The following HDAC2 variants were observed in gnomAD, a reference collection of about 807,000 sequenced individuals.
HDAC2 encodes the protein YY1-associated factor 1.
A neutral mutation model predicts 68.5 loss-of-function variants in HDAC2; 5 were observed. The observed-to-expected ratio is 0.07, with a 90% confidence interval of 0.04 to 0.15. The LOEUF (loss-of-function observed/expected upper bound fraction) is 0.15. Among genes scored for constraint, HDAC2 ranks in the 10% least tolerant of loss-of-function variants. HDAC2 has a pLI of 1.00. For missense variants in HDAC2, 291 were observed against 600.8 expected (o/e 0.48, Z 5.39); for synonymous variants, 182 against 191.3 (o/e 0.95, Z 0.40).
chr6:113,965,607 G>C (rs564425782), intron 1 of HDAC2, among the ~76,000 whole-genome samples: 13 of 152,234 alleles, frequency 8.5e-5, no homozygotes, highest in Middle Eastern at 3.4e-3. Flanking sequence ...TCCTGACCTT[G>C]TGATCTGCCC....
At chr6:113,966,125 CA>C (rs1330404683) in intron 1 of HDAC2, among the ~76,000 whole-genome samples, 3 of 152,140 alleles carry the variant, frequency 2.0e-5, no homozygotes, top group African/African-American at 7.2e-5. Context: ...TAGACTGCAC[CA>C]AACAAATGTG....
At chr6:113,957,729 C>T (rs9481409) in intron 3 of HDAC2, among the ~76,000 whole-genome samples, 2,535 of 152,082 alleles carry the variant, frequency 0.017, 73 homozygotes, top group African/African-American at 0.058. Context: ...CTCAGGTAAT[C>T]CACTCACCTC....
At chr6:113,964,766 C>A (rs1776772045) in intron 1 of HDAC2, among the ~76,000 whole-genome samples, 1 of 152,164 alleles carries the variant, frequency 6.6e-6, no homozygotes, top group African/African-American at 2.4e-5. Flanking sequence ...CACTTGAATT[C>A]AATAAGGATC....
At position 113,966,851 on chromosome 6, in the gene HDAC2, T is replaced by G. The variant is rs1776835622; in HGVS notation, c.52+4006A>C. ...CTGGGGAAAGAGAAGTATAGGAAAA[T>G]TTCAGTCTTATTTAGTCATGTTTTA... On this transcript the variant is annotated intron_variant, in intron 1 of 13. Coordinates refer to ENST00000519065, the MANE Select transcript of HDAC2 (RefSeq NM_001527.4). Among the ~76,000 whole-genome samples the G allele has an allele frequency of 2.6e-5, 4 of 152,160 alleles. No individual in the cohort carries two copies. In the South Asian group the frequency reaches 8.3e-4, roughly 32 times the overall value.
In HDAC2 at chr6:113,948,797, A is replaced by G. The variant is rs1582481768; in HGVS notation, c.841+182T>C. The G allele has an allele frequency of 1.2e-5, 7 of 575,092 alleles. No homozygotes were observed. In the East Asian group the frequency reaches 2.0e-4, roughly 17 times the overall value. The allele number at this position is 575,092 out of a possible 1,614,324, so 35.6% of individuals were successfully genotyped here. On this transcript the variant is annotated intron_variant, in intron 8 of 13. Coordinates refer to ENST00000519065, the MANE Select transcript of HDAC2 (RefSeq NM_001527.4). ...CTAGTCTTGTATAAATGTATATATA[A>G]ATCTGCCATAATGAAACAAGAATAA...
chr6:113,958,040 G>T (rs561907359), intron 3 of HDAC2, among the ~76,000 whole-genome samples: 60 of 152,296 alleles, frequency 3.9e-4, no homozygotes, highest in African/African-American at 1.4e-3. Flanking sequence ...AATCATCACT[G>T]AAGTCAGTCA....
intron 12 of HDAC2, among the ~76,000 whole-genome samples, chr6:113,942,400 G>A (rs1211374528): frequency 6.9e-6 from 1 of 145,862 alleles, no homozygotes; most frequent in Non-Finnish European, 1.5e-5. Context: ...AACTAAATGT[G>A]TCAGATGTTA....
chr6:113,953,790 A>G (rs947590074), intron 5 of HDAC2, among the ~76,000 whole-genome samples: 4 of 152,246 alleles, frequency 2.6e-5, no homozygotes. Flanking sequence ...TTGGCTAACT[A>G]TGGCCCATGG....
intron 1 of HDAC2, 52 bp downstream of exon 1, chr6:113,970,805 A>C: frequency 6.8e-7 from 1 of 1,472,034 alleles, no homozygotes; most frequent in Non-Finnish European, 8.9e-7. Flanking sequence ...GCAGCCGCGG[A>C]ACCCAGCGCC....
Position 113,960,008 on chromosome 6 carries a change from T to A in HDAC2, c.63A>T (p.Gly21=), listed in dbSNP as rs1303204724. ...KVCYYYDGDI[G]NYYYGQGHPM... ...GATGACCCTGTCCATAATAATAATT[T>A]CCAATATCACCTAAAATAGAAAAGA... Residue 21 remains glycine, a synonymous_variant, in exon 2 of 14, where the codon GGA becomes GGT. Transcript: ENST00000519065. 16 of 1,491,934 alleles carry A rather than the reference T, an allele frequency of 1.1e-5. No individual in the cohort carries two copies. The highest frequency in any genetic ancestry group is 1.5e-5 in the Non-Finnish European group (16 of 1,069,150). 92.4% of individuals were successfully genotyped at this position (1,491,934 alleles called of 1,614,324 possible).
intron 3 of HDAC2, 186 bp from the exon 4 acceptor site, chr6:113,956,879 T>G (rs1562146408): frequency 7.5e-6 from 4 of 532,054 alleles, no homozygotes; most frequent in Non-Finnish European, 1.3e-5. Context: ...AATTAAAGTG[T>G]TATCTGTGAA....
chr6:113,948,132 T>C (rs1776306050), intron 8 of HDAC2: 2 of 152,214 alleles, frequency 1.3e-5, no homozygotes, highest in Non-Finnish European at 2.9e-5. Context: ...CCTTCAATCA[T>C]ATGCTGATTT....
intron 4 of HDAC2, 140 bp downstream of exon 4, chr6:113,956,479 T>C: frequency 1.6e-6 from 1 of 643,522 alleles, no homozygotes; most frequent in East Asian, 2.7e-5. Context: ...TGAAAGTAAA[T>C]TGTACTTTAC....
intron 12 of HDAC2, among the ~76,000 whole-genome samples, chr6:113,942,978 T>C (rs1250387135): frequency 6.6e-6 from 1 of 152,182 alleles, no homozygotes; most frequent in Admixed American, 6.5e-5. Context: ...TTGTGTTTTC[T>C]CCCATTAAAT....
At position 113,945,989 on chromosome 6, in the gene HDAC2, T is replaced by C. The variant is rs748823158; in HGVS notation, c.982+19A>G. 30 of 1,593,830 alleles carry C rather than the reference T, an allele frequency of 1.9e-5. No homozygotes were observed. Among genetic ancestry groups the C allele is most frequent in the Non-Finnish European group, 2.5e-5 (29 of 1,162,240 alleles). On this transcript the variant is annotated intron_variant, in intron 9 of 13. Transcript: ENST00000519065. ...ATTGACAGTTCATACAATAAAGATATTGTAATGAGAACACTTACCATTGGG... is the reference window on the plus strand; with the variant it reads ...ATTGACAGTTCATACAATAAAGATACTGTAATGAGAACACTTACCATTGGG...
At chr6:113,960,090 G>A in intron 1 of HDAC2, 72 bp from the exon 2 acceptor site, 1 of 787,060 alleles carries the variant, frequency 1.3e-6, no homozygotes, top group Non-Finnish European at 2.2e-6. Flanking sequence ...ATTTATGTAT[G>A]TCTATCATTA....
At chr6:113,942,429 G>C (rs895280479) in intron 12 of HDAC2, among the ~76,000 whole-genome samples, 9 of 67,108 alleles carry the variant, frequency 1.3e-4, no homozygotes, top group African/African-American at 7.6e-4. Context: ...TAACTCTCTA[G>C]TTTAAAAAAA....
intron 8 of HDAC2, chr6:113,947,101 A>G (rs1461394702): frequency 6.6e-6 from 1 of 152,158 alleles, no homozygotes; most frequent in East Asian, 1.9e-4. Flanking sequence ...AATTTTTATT[A>G]TTGCTACTAG....
intron 5 of HDAC2, among the ~76,000 whole-genome samples, chr6:113,953,893 T>G (rs1448732615): frequency 1.3e-5 from 2 of 152,140 alleles, no homozygotes; most frequent in African/African-American, 4.8e-5. Flanking sequence ...AAAACAAGAG[T>G]ATTTTCTGAC....
Sources: allele counts gnomAD v4.1 joint callset (sites outside exome capture counted in the v4.1 genomes callset), GRCh38; gene constraint gnomAD v4.1.1; transcripts MANE v1.5; gene names NCBI Gene and HGNC (gene_info 2026-07-23, HGNC 2026-07-21).